The following DEPDC5 variants were observed in gnomAD, a reference collection of about 807,000 sequenced individuals.
DEPDC5 encodes GATOR1 complex protein DEPDC5.
In DEPDC5, 73 loss-of-function variants were observed where a neutral mutation model predicts 217.3. The observed-to-expected ratio is 0.34, with a 90% CI of 0.28 to 0.41. The LOEUF (loss-of-function observed/expected upper bound fraction) is 0.41, where lower values mean the gene tolerates loss of function less well. Among genes scored for constraint, DEPDC5 ranks in the 10% least tolerant of loss-of-function variants. The pLI, the probability that DEPDC5 is intolerant of heterozygous loss-of-function variation, is 1.00. For synonymous variants in DEPDC5, 733 were observed against 756.7 expected (o/e 0.97, Z 0.51); for missense variants, 1,675 against 2,070.1 (o/e 0.81, Z 3.70).
chr22:31,837,493 T>C (rs1454488540), intron 26 of DEPDC5, among the ~76,000 whole-genome samples: 1 of 151,860 alleles, frequency 6.6e-6, no homozygotes, highest in African/African-American at 2.4e-5. Flanking sequence ...TAGGAGTAGC[T>C]GGGAGTGGCA....
In DEPDC5 at chr22:31,781,586, C is replaced by T. The variant is rs1356719223; in HGVS notation, c.484-2321C>T. 7.2e-5 allele frequency among the ~76,000 whole-genome samples: 11 copies of T among 152,226 alleles called. No homozygotes were observed. In the South Asian group the frequency reaches 2.1e-3, roughly 29 times the overall value. On this transcript the variant is annotated intron_variant, in intron 8 of 42. Coordinates refer to ENST00000651528, the MANE Select transcript of DEPDC5 (RefSeq NM_001242896.3). ...TAGCTGGGACTACAGGCATTTGCCA[C>T]CACACCTGGCTTTTTATATTTTTAG...
intron 35 of DEPDC5, among the ~76,000 whole-genome samples, chr22:31,873,567 G>A (rs61045927): frequency 1.3e-3 from 191 of 151,382 alleles, no homozygotes; most frequent in African/African-American, 4.3e-3. Context: ...GCTAGAGTGC[G>A]GTGTCGCCAT....
intron 8 of DEPDC5, among the ~76,000 whole-genome samples, chr22:31,781,122 A>C (rs2084383356): frequency 6.6e-6 from 1 of 152,006 alleles, no homozygotes; most frequent in Admixed American, 6.6e-5. Flanking sequence ...AGGCTGAGGC[A>C]AGAGAATCTC....
chr22:31,872,660 ATAT>A (rs778305237), intron 34 of DEPDC5, among the ~76,000 whole-genome samples: 63 of 152,210 alleles, frequency 4.1e-4, no homozygotes, highest in Admixed American at 7.9e-4. Flanking sequence ...GGCCTGAGGA[ATAT>A]TATTAAAAGG....
At position 31,815,216 on chromosome 22, in the gene DEPDC5, A is replaced by G; in HGVS notation, c.1666+4A>G. 6.2e-7 allele frequency: 1 copy of G among 1,614,038 alleles called. No homozygotes were observed. Among genetic ancestry groups the G allele is most frequent in the Middle Eastern group, 1.6e-4 (1 of 6,062 alleles). The stretch of plus-strand genomic sequence containing the variant: ...TTGGGATACACCAGCACTCGAGGTA[A>G]GAGTGCTGAAGCACAGACAGAGCCA... On this transcript the variant is annotated splice_donor_region_variant and intron_variant, in intron 21 of 42. Transcript: ENST00000651528.
intron 23 of DEPDC5, 64 bp from the exon 24 acceptor site, chr22:31,822,629 G>T: frequency 6.5e-7 from 1 of 1,529,374 alleles, no homozygotes; most frequent in Non-Finnish European, 9.0e-7. Flanking sequence ...CCGGGATATA[G>T]GTGAGCAGGA....
chr22:31,801,526 A>C (rs566696021), intron 14 of DEPDC5, among the ~76,000 whole-genome samples: 88 of 152,352 alleles, frequency 5.8e-4, no homozygotes, highest in Admixed American at 5.2e-4. Flanking sequence ...TAGTTTAAAC[A>C]AAAAGCGAAA....
intron 13 of DEPDC5, 60 bp from the exon 14 acceptor site, chr22:31,798,522 T>TAA: frequency 5.1e-6 from 7 of 1,361,496 alleles, no homozygotes; most frequent in Admixed American, 1.9e-5. Context: ...CGTTTAAAAT[T>TAA]AAAAAAAAAA....
At chr22:31,840,331 C>T (rs2091315280) in intron 27 of DEPDC5, among the ~76,000 whole-genome samples, 1 of 152,122 alleles carries the variant, frequency 6.6e-6, no homozygotes, top group Non-Finnish European at 1.5e-5. Flanking sequence ...CCAGTTTGTG[C>T]AAAGGCTCTG....
chr22:31,775,181 T>C (rs2083712857), intron 7 of DEPDC5, among the ~76,000 whole-genome samples: 1 of 151,848 alleles, frequency 6.6e-6, no homozygotes, highest in Non-Finnish European at 1.5e-5. Context: ...TTTGTCTTCC[T>C]TCCTTTTTTT....
intron 38 of DEPDC5, among the ~76,000 whole-genome samples, chr22:31,883,166 C>T (rs1037057825): frequency 5.3e-5 from 8 of 152,134 alleles, no homozygotes; most frequent in Admixed American, 3.9e-4. Context: ...CCTGACATTG[C>T]CAAATGTCCC....
At chr22:31,807,466 C>G (rs1048315256) in intron 18 of DEPDC5, among the ~76,000 whole-genome samples, 3 of 152,170 alleles carry the variant, frequency 2.0e-5, no homozygotes, top group Non-Finnish European at 4.4e-5. Context: ...GAATCTTGCT[C>G]TGTCTCCCAA....
rs1390294731 is a variant in DEPDC5 at position 31,906,289 on chromosome 22, A to G, written c.4604A>G (p.Asn1535Ser). The change falls in exon 43 of 43, where the codon AAC (asparagine) becomes AGC (serine). Residue 1535 changes from asparagine to serine, a missense_variant. By Grantham distance (46) the Asn-to-Ser change is conservative. Transcript: ENST00000651528. The surrounding 1 kb of genome is among the most constrained non-coding windows in gnomAD (Gnocchi z 5.1). Reference protein sequence around the residue: ...RRRRNSTSSTNQNMFCEERVG... With the variant: ...RRRRNSTSSTSQNMFCEERVG... Reference sequence around the variant, plus strand: ...CGGCGGAACTCCACCAGCTCCACCAACCAGAACATGTTCTGCGAGGAGCGG... The same window carrying G: ...CGGCGGAACTCCACCAGCTCCACCAGCCAGAACATGTTCTGCGAGGAGCGG... 1.2e-6 allele frequency: 2 copies of G among 1,613,938 alleles called. No homozygotes were observed. Among genetic ancestry groups the G allele is most frequent in the South Asian group, 2.2e-5 (2 of 91,088 alleles).
intron 41 of DEPDC5, among the ~76,000 whole-genome samples, chr22:31,904,206 A>C (rs950159814): frequency 1.8e-4 from 27 of 151,752 alleles, no homozygotes; most frequent in African/African-American, 6.3e-4. Flanking sequence ...TGTGACCTAC[A>C]GCTCCTCCTT....
At chr22:31,768,165 T>C (rs533919581) in intron 6 of DEPDC5, among the ~76,000 whole-genome samples, 1 of 151,920 alleles carries the variant, frequency 6.6e-6, no homozygotes, top group East Asian at 1.9e-4. Context: ...TCTTTAATGG[T>C]GATTCGTGAG....
chr22:31,786,041 C>T (rs373752192), intron 10 of DEPDC5, among the ~76,000 whole-genome samples: 9 of 151,954 alleles, frequency 5.9e-5, no homozygotes, highest in Non-Finnish European at 1.0e-4. Context: ...CCGAGGTGGG[C>T]GGATCAGGAG....
In DEPDC5 at chr22:31,797,716, T is replaced by C. The variant is rs774828611; in HGVS notation, c.871+13T>C. On this transcript the variant is annotated intron_variant, in intron 13 of 42. Coordinates refer to ENST00000651528, the MANE Select transcript of DEPDC5 (RefSeq NM_001242896.3). ...CTGGAACAGGCAGGTACTGCATTCA[T>C]GTAATAGATGGTGCGGCGGGGAAAG... 5 of 1,599,810 alleles carry C rather than the reference T, an allele frequency of 3.1e-6. No individual in the cohort carries two copies. The East Asian group carries it at 6.7e-5, about 21-fold the overall frequency.
intron 10 of DEPDC5, 189 bp downstream of exon 10, chr22:31,785,064 C>G: frequency 1.9e-6 from 1 of 529,938 alleles, no homozygotes; most frequent in Non-Finnish European, 3.3e-6. Context: ...ACATCACACT[C>G]AATGGTAAAA....
At chr22:31,766,403 A>G (rs543910846) in intron 5 of DEPDC5, among the ~76,000 whole-genome samples, 182 bp from the exon 6 acceptor site, 3 of 152,324 alleles carry the variant, frequency 2.0e-5, no homozygotes, top group African/African-American at 2.4e-5. Context: ...AGATTTACCA[A>G]CTATACTGAA....
Sources: allele counts gnomAD v4.1 joint callset (sites outside exome capture counted in the v4.1 genomes callset), GRCh38; gene constraint gnomAD v4.1.1; non-coding constraint Gnocchi (gnomAD v3.1); transcripts MANE v1.5; gene names NCBI Gene and HGNC (gene_info 2026-07-23, HGNC 2026-07-21).